The following MAP4K1 variants were observed in gnomAD, a reference collection of about 807,000 sequenced individuals.
MAP4K1 encodes mitogen-activated protein kinase kinase kinase kinase 1.
Under a neutral mutation model 122.8 loss-of-function variants are expected in MAP4K1, and 35 were observed. The observed-to-expected ratio is 0.29, with a 90% CI of 0.22 to 0.38. The LOEUF (loss-of-function observed/expected upper bound fraction) is 0.38. MAP4K1 is among the 10% of genes least tolerant of loss of function. MAP4K1 has a pLI of 1.00. For synonymous variants in MAP4K1, 412 were observed against 421.3 expected (o/e 0.98, Z 0.27); for missense variants, 791 against 1,072.6 (o/e 0.74, Z 3.67).
intron 30 of MAP4K1, among the ~76,000 whole-genome samples, chr19:38,591,074 C>A (rs1245656018): frequency 6.6e-6 from 1 of 151,818 alleles, no homozygotes; most frequent in South Asian, 2.1e-4. Context: ...CCTGTAATCC[C>A]AGCTACTCGG....
chr19:38,607,817 G>T, intron 16 of MAP4K1, 47 bp downstream of exon 16: 2 of 1,595,284 alleles, frequency 1.3e-6, no homozygotes, highest in Non-Finnish European at 1.7e-6. Flanking sequence ...GTAGGAAGGT[G>T]GGGGCTGAGG....
At chr19:38,600,822 T>C (rs1304380462) in intron 20 of MAP4K1, among the ~76,000 whole-genome samples, 2 of 130,234 alleles carry the variant, frequency 1.5e-5, no homozygotes, top group East Asian at 5.4e-4. Context: ...TTTTTTTTTT[T>C]TGAGACTGAG....
chr19:38,591,206 AAAG>A (rs1974717232), intron 30 of MAP4K1, among the ~76,000 whole-genome samples: 1 of 151,756 alleles, frequency 6.6e-6, no homozygotes, highest in African/African-American at 2.4e-5. Flanking sequence ...AAGAAAAAAA[AAAG>A]AATAATAAGG....
chr19:38,587,905 C>T (rs184725129), intron 30 of MAP4K1, 88 bp from the exon 31 acceptor site: 87 of 1,020,306 alleles, frequency 8.5e-5, no homozygotes, highest in Admixed American at 1.3e-4. Context: ...AGAGACTGTG[C>T]CAGCCCCATG....
At position 38,617,797 on chromosome 19, in the gene MAP4K1, C is replaced by T. The variant is rs1167198295; in HGVS notation, c.99G>A (p.Lys33=). The T allele has an allele frequency of 6.2e-7, 1 of 1,614,068 alleles. No individual in the cohort carries two copies. Among genetic ancestry groups the T allele is most frequent in the Non-Finnish European group, 8.5e-7 (1 of 1,179,966 alleles). ...LGGGTYGEVF[K]ARDKVSGDLV... ...GTTGGGGACAGAGGGGCTTCCTCAC[C>T]TTAAAGACTTCCCCATACGTGCCGC... The change falls in exon 1 of 31, where the codon AAG becomes AAA. Residue 33 remains lysine (K), a splice_region_variant and synonymous_variant. Coordinates refer to ENST00000396857, the MANE Select transcript of MAP4K1 (RefSeq NM_001042600.3). The surrounding 1 kb of genome is among the most constrained non-coding windows in gnomAD (Gnocchi z 4.1).
chr19:38,589,925 G>T (rs975602729), intron 30 of MAP4K1, among the ~76,000 whole-genome samples: 1 of 152,008 alleles, frequency 6.6e-6, no homozygotes, highest in African/African-American at 2.4e-5. Flanking sequence ...AGCTACCCGG[G>T]AGGTTGAGGT....
intron 13 of MAP4K1, 43 bp downstream of exon 13, chr19:38,609,553 T>C: frequency 6.4e-7 from 1 of 1,572,810 alleles, no homozygotes; most frequent in South Asian, 1.1e-5. Flanking sequence ...CTTAGGTCTA[T>C]TATAGGGTCA....
At chr19:38,605,785 C>T in intron 17 of MAP4K1, 55 bp from the exon 18 acceptor site, 1 of 1,533,668 alleles carries the variant, frequency 6.5e-7, no homozygotes. Context: ...TCAGAGAGGG[C>T]ACCCTTTTGC....
Position 38,605,739 on chromosome 19 carries a change from A to G in MAP4K1, c.1201-9T>C. The G allele has an allele frequency of 1.2e-6, 2 of 1,602,646 alleles. No individual in the cohort carries two copies. The highest frequency in any genetic ancestry group is 1.7e-6 in the Non-Finnish European group (2 of 1,177,210). On this transcript the variant is annotated splice_polypyrimidine_tract_variant and intron_variant, in intron 17 of 30. Transcript: ENST00000396857. ...GGAGAACGGAACTTGGGCTTTGGAG[A>G]CGGGAATGGAGCGTGGGGAAATACA...
chr19:38,597,384 C>A lies in MAP4K1; in HGVS notation c.1779G>T (p.Arg593Ser). The change falls in exon 24 of 31, where the codon AGG becomes AGT. Residue 593 changes from arginine (R) to serine (S), a missense_variant and splice_region_variant. By Grantham distance (110) the Arg-to-Ser change is moderately radical. This residue lies in a region of MAP4K1 where 267 missense variants were observed against 323.0 expected (regional missense o/e 0.83). Transcript: ENST00000396857. This position sits in a 1 kb window ranked among gnomAD's most constrained non-coding sequence, Gnocchi z 4.6. ...GGATCTTGGTGGAAACCATGTTCTT[C>A]CTGGAGAATAGGTAGGTGTGAAGGG... is the stretch of plus-strand genomic sequence containing the variant. ...AHISPHRLLA[R>S]KNMVSTKIQD... The A allele has an allele frequency of 6.2e-7, 1 of 1,614,016 alleles. No homozygotes were observed. The highest frequency in any genetic ancestry group is 8.5e-7 in the Non-Finnish European group (1 of 1,180,036).
Position 38,597,636 on chromosome 19 carries a change from G to T in MAP4K1, c.1670-42C>A. ...TGTAGGGGGAAGCAGGAAGTTATAG[G>T]ATCCCATATACCACTTCCTTTCCTC... On this transcript the variant is annotated intron_variant, in intron 22 of 30. Coordinates refer to ENST00000396857, the MANE Select transcript of MAP4K1 (RefSeq NM_001042600.3). The surrounding 1 kb of genome is among the most constrained non-coding windows in gnomAD (Gnocchi z 4.6). 1 of 1,363,530 alleles carries T rather than the reference G, an allele frequency of 7.3e-7. No homozygotes were observed. The allele number at this position is 1,363,530 out of a possible 1,614,324, so 84.5% of individuals were successfully genotyped here.
intron 28 of MAP4K1, 41 bp from the exon 29 acceptor site, chr19:38,595,596 G>T (rs1311451120): frequency 6.2e-7 from 1 of 1,614,044 alleles, no homozygotes; most frequent in South Asian, 1.1e-5. Context: ...GGGATCACTT[G>T]AGTTTCCACC....
chr19:38,604,078 A>T, intron 19 of MAP4K1, among the ~76,000 whole-genome samples: 1 of 144,870 alleles, frequency 6.9e-6, no homozygotes. Context: ...GTGAGCCATG[A>T]TCGCGCCACT....
Position 38,612,920 on chromosome 19 carries a change from G to A in MAP4K1, c.534-178C>T, listed in dbSNP as rs559194064. ...GAAGACAGAGATGCAGACGGGGCGC[G>A]ATGGCTCACGCCTGTAATCCCAGCA... On this transcript the variant is annotated intron_variant, in intron 8 of 30. Coordinates refer to ENST00000396857, the MANE Select transcript of MAP4K1 (RefSeq NM_001042600.3). 7.9e-5 allele frequency among the ~76,000 whole-genome samples: 12 copies of A among 152,174 alleles called. 1 individual carries two copies. Among genetic ancestry groups the A allele is most frequent in the Admixed American group, 2.0e-4 (3 of 15,274 alleles).
Position 38,605,447 on chromosome 19 carries a change from G to A in MAP4K1, c.1408C>T (p.Pro470Ser). 6.2e-7 allele frequency: 1 copy of A among 1,601,840 alleles called. No individual in the cohort carries two copies. The change falls in exon 19 of 31, where the codon CCA becomes TCA. Residue 470 changes from proline (P) to serine (S), a missense_variant. Around this residue, in one of 4 missense-constraint regions of MAP4K1, gnomAD observed 303 missense variants for 344.8 expected, o/e 0.88. Coordinates refer to ENST00000396857, the MANE Select transcript of MAP4K1 (RefSeq NM_001042600.3). Reference sequence around the variant, plus strand: ...TTTTCCTTCTTGGGGGGCAGAAGTGGGGGCTTGTCAAGCTCCCGGGAGGGT... The same window carrying A: ...TTTTCCTTCTTGGGGGGCAGAAGTGAGGGCTTGTCAAGCTCCCGGGAGGGT... ...NPPSRELDKP[P>S]LLPPKKEKMK...
chr19:38,602,859 T>C (rs1975147399), intron 19 of MAP4K1, among the ~76,000 whole-genome samples: 1 of 148,692 alleles, frequency 6.7e-6, no homozygotes, highest in Non-Finnish European at 1.5e-5. Context: ...CACATATACA[T>C]ATATACACAT....
intron 22 of MAP4K1, 85 bp downstream of exon 22, chr19:38,599,840 C>T: frequency 7.7e-7 from 1 of 1,306,626 alleles, no homozygotes; most frequent in Non-Finnish European, 1.1e-6. Context: ...AGTTTTTTTT[C>T]AGCTGTGCCC....
chr19:38,612,289 G>A (rs1042616443), intron 9 of MAP4K1, among the ~76,000 whole-genome samples: 1 of 151,464 alleles, frequency 6.6e-6, no homozygotes, highest in Non-Finnish European at 1.5e-5. Flanking sequence ...GCGTGGTGGT[G>A]CACACCTGCA....
intron 19 of MAP4K1, among the ~76,000 whole-genome samples, chr19:38,604,111 A>G (rs1175100952): frequency 6.9e-6 from 1 of 144,084 alleles, no homozygotes; most frequent in Non-Finnish European, 1.5e-5. Flanking sequence ...CCTGGGCGAC[A>G]GAGCGAGATA....
Sources: allele counts gnomAD v4.1 joint callset (sites outside exome capture counted in the v4.1 genomes callset), GRCh38; gene constraint gnomAD v4.1.1; regional missense constraint gnomAD v4.1.1; non-coding constraint Gnocchi (gnomAD v3.1); transcripts MANE v1.5; gene names NCBI Gene and HGNC (gene_info 2026-07-23, HGNC 2026-07-21).